Variants in CEP112 observed in about 807,000 individuals in gnomAD.
The protein encoded by CEP112 is centrosomal protein of 112 kDa.
In CEP112, 127 loss-of-function variants were observed where a neutral mutation model predicts 153.0. The observed-to-expected ratio is 0.83, with a 90% CI of 0.72 to 0.96. CEP112 has a LOEUF of 0.96. CEP112 is among the 40% of genes least tolerant of loss of function. The pLI is 0.00. For missense variants in CEP112, 1,089 were observed against 1,101.2 expected, an observed-to-expected ratio of 0.99 and a Z score of 0.16; for synonymous variants, 358 against 374.4, an observed-to-expected ratio of 0.96 and a Z score of 0.51.
chr17:66,043,554 C>T (rs2066075209), intron 12 of CEP112, among the ~76,000 whole-genome samples: 1 of 152,118 alleles, frequency 6.6e-6, no homozygotes, highest in African/African-American at 2.4e-5. Context: ...GTTAAGAACT[C>T]CAGTAAGAAA....
intron 23 of CEP112, among the ~76,000 whole-genome samples, chr17:65,713,176 T>C (rs1018548020): frequency 6.6e-6 from 1 of 152,158 alleles, no homozygotes. Flanking sequence ...TGGAAATGCA[T>C]AATATGTGAG....
intron 8 of CEP112, 112 bp from the exon 9 acceptor site, chr17:66,070,113 T>C: frequency 3.2e-6 from 2 of 631,620 alleles, no homozygotes; most frequent in Non-Finnish European, 5.6e-6. Flanking sequence ...TTTTCCACCT[T>C]TACCTTGTAG....
chr17:66,005,882 T>A, intron 16 of CEP112, 113 bp from the exon 17 acceptor site: 2 of 911,156 alleles, frequency 2.2e-6, no homozygotes, highest in Non-Finnish European at 3.1e-6. Flanking sequence ...TAAAATTAGA[T>A]TTAGATATTT....
At chr17:66,001,638 T>C (rs1340062886) in intron 17 of CEP112, among the ~76,000 whole-genome samples, 1 of 152,104 alleles carries the variant, frequency 6.6e-6, no homozygotes, top group Non-Finnish European at 1.5e-5. Flanking sequence ...TACTTTAAAA[T>C]AGACTATACA....
chr17:66,043,177 T>A (rs1349221858), intron 12 of CEP112: 3 of 471,800 alleles, frequency 6.4e-6, no homozygotes, highest in African/African-American at 6.4e-5. Flanking sequence ...ACTTTCATTT[T>A]CACCACCCTA....
At chr17:65,958,996 C>T (rs947920847) in intron 18 of CEP112, among the ~76,000 whole-genome samples, 1 of 152,208 alleles carries the variant, frequency 6.6e-6, no homozygotes, top group Non-Finnish European at 1.5e-5. Context: ...ACTCCAGGGC[C>T]TCCTCTCTCC....
At chr17:66,187,898 A>G (rs951169431) in intron 1 of CEP112, among the ~76,000 whole-genome samples, 2 of 152,090 alleles carry the variant, frequency 1.3e-5, no homozygotes, top group African/African-American at 4.8e-5. Context: ...GCTTGATGAC[A>G]TCATCATCTA....
chr17:65,852,445 TTCCCTCCC>T lies in CEP112; in HGVS notation c.2164-419_2164-412del, dbSNP rs1186410758. On this transcript the variant is annotated intron_variant, in intron 20 of 26. Transcript: ENST00000535342. ...TCCTTCCTTCCCTCCCTTTCCTTCC[TTCCCTCCC>T]TCCCTCCCTTTCCTTCCTTCCTTCC... is the stretch of plus-strand genomic sequence containing the variant. 3.6e-4 allele frequency among the ~76,000 whole-genome samples: 25 copies of T among 69,218 alleles called. 1 individual carries two copies. Among genetic ancestry groups the T allele is most frequent in the Non-Finnish European group, 6.5e-4 (23 of 35,138 alleles). 45.4% of individuals were successfully genotyped at this position (69,218 alleles called of 152,430 possible).
At chr17:65,636,934 AG>A in intron 26 of CEP112, 189 bp downstream of exon 26, 1 of 570,376 alleles carries the variant, frequency 1.8e-6, no homozygotes, top group African/African-American at 1.9e-5. Flanking sequence ...TTGTTTTGAT[AG>A]TACAGACTAA....
At chr17:65,904,533 T>C (rs2059999791) in intron 19 of CEP112, among the ~76,000 whole-genome samples, 1 of 152,250 alleles carries the variant, frequency 6.6e-6, no homozygotes, top group Non-Finnish European at 1.5e-5. Flanking sequence ...CTGCCCGAAG[T>C]AATTTATAGA....
intron 18 of CEP112, among the ~76,000 whole-genome samples, chr17:65,936,653 C>A (rs1015997185): frequency 2.0e-5 from 3 of 150,060 alleles, no homozygotes; most frequent in Non-Finnish European, 4.4e-5. Flanking sequence ...AAATGTTAGA[C>A]AACGCATTAA....
At chr17:66,143,935 C>T (rs575412715) in intron 4 of CEP112, among the ~76,000 whole-genome samples, 1 of 152,288 alleles carries the variant, frequency 6.6e-6, no homozygotes, top group South Asian at 2.1e-4. Context: ...TTTCTCTGCT[C>T]TTTGAATGGG....
At chr17:65,790,005 G>A (rs1215940843) in intron 21 of CEP112, among the ~76,000 whole-genome samples, 1 of 152,100 alleles carries the variant, frequency 6.6e-6, no homozygotes, top group East Asian at 1.9e-4. Flanking sequence ...AGCTGAAACT[G>A]ACCAAAGGAA....
At chr17:65,861,229 G>C (rs1418796238) in intron 20 of CEP112, among the ~76,000 whole-genome samples, 4 of 152,130 alleles carry the variant, frequency 2.6e-5, no homozygotes, top group Non-Finnish European at 5.9e-5. Flanking sequence ...GTAAATAGGT[G>C]AATTGTATGG....
At position 65,958,662 on chromosome 17, in the gene CEP112, C is replaced by G. The variant is rs1356319251; in HGVS notation, c.1872+2801G>C. Among the ~76,000 whole-genome samples, 5 of 132,594 alleles carry G rather than the reference C, an allele frequency of 3.8e-5. No homozygotes were observed. The South Asian group carries it at 1.4e-3, about 36-fold the overall frequency. The allele number at this position is 132,594 out of a possible 152,430, so 87.0% of individuals were successfully genotyped here. On this transcript the variant is annotated intron_variant, in intron 18 of 26. Transcript: ENST00000535342. The stretch of plus-strand genomic sequence containing the variant: ...GAAGCCAAGTGGGTGCTGATGGCAG[C>G]TCAATGCTGGCCTGCAGGCAACCCT...
Position 66,133,056 on chromosome 17 carries a change from C to A in CEP112, c.471-293G>T, listed in dbSNP as rs557174089. On this transcript the variant is annotated intron_variant, in intron 4 of 26. Coordinates refer to ENST00000535342, the MANE Select transcript of CEP112 (RefSeq NM_001199165.4). The stretch of plus-strand genomic sequence containing the variant: ...TCATCTCAAACAACAACAACAACAA[C>A]AAAAAACACACAAAAAATGATGTTC... 8.2e-4 allele frequency among the ~76,000 whole-genome samples: 114 copies of A among 139,310 alleles called. 1 individual carries two copies. In the South Asian group the frequency reaches 0.011, roughly 14 times the overall value. The allele number at this position is 139,310 out of a possible 152,430, so 91.4% of individuals were successfully genotyped here.
intron 24 of CEP112, among the ~76,000 whole-genome samples, chr17:65,642,371 C>T (rs1224778386): frequency 2.0e-5 from 3 of 152,116 alleles, no homozygotes; most frequent in Non-Finnish European, 2.9e-5. Context: ...TTGCTGAAGA[C>T]AATTTAAAAT....
chr17:65,925,156 A>G (rs1162062528), intron 19 of CEP112, among the ~76,000 whole-genome samples: 2 of 152,138 alleles, frequency 1.3e-5, no homozygotes, highest in Non-Finnish European at 2.9e-5. Context: ...TACTATACTC[A>G]TGGTAGTAAA....
intron 24 of CEP112, chr17:65,644,499 A>G: frequency 2.9e-6 from 1 of 340,900 alleles, no homozygotes; most frequent in South Asian, 3.3e-5. Context: ...CAGCTCATAC[A>G]GGTTAATTTG....
Sources: gnomAD v4.1 joint callset for allele counts (sites outside exome capture counted in the v4.1 genomes callset) on GRCh38, gnomAD v4.1.1 for gene constraint, MANE v1.5 for transcripts, NCBI Gene and HGNC (gene_info 2026-07-23, HGNC 2026-07-21) for gene names.